STRIP2: variants seen among roughly 807,000 people sequenced by gnomAD.
The protein encoded by STRIP2 is striatin interacting protein 2, also known as striatin-interacting protein 2.
A neutral mutation model predicts 107.1 loss-of-function variants in STRIP2; 84 were observed. The ratio of observed to expected loss-of-function variants is 0.78; its 90% CI spans 0.66 to 0.94. The LOEUF (loss-of-function observed/expected upper bound fraction) is 0.94. Among genes scored for constraint, STRIP2 ranks in the 40% least tolerant of loss-of-function variants. The probability of loss-of-function intolerance (pLI) is 0.00; values close to 1 mark genes in which losing one functional copy is unlikely to be tolerated. For missense variants in STRIP2, 888 were observed against 1,034.2 expected (o/e 0.86, Z 1.94); for synonymous variants, 394 against 400.4 (o/e 0.98, Z 0.19).
At chr7:129,442,140 G>T (rs766714103) in intron 2 of STRIP2, among the ~76,000 whole-genome samples, 12 of 152,120 alleles carry the variant, frequency 7.9e-5, no homozygotes, top group Admixed American at 1.3e-4. Context: ...CAGGAGAATT[G>T]CCTGAACCTG....
chr7:129,466,524 T>C (rs1441938812), intron 16 of STRIP2, among the ~76,000 whole-genome samples: 1 of 152,172 alleles, frequency 6.6e-6, no homozygotes, highest in African/African-American at 2.4e-5. Flanking sequence ...ATTTCTATAC[T>C]AGAATACTAG....
chr7:129,485,548 A>G (rs755528879), intron 20 of STRIP2, 31 bp from the exon 21 acceptor site: 32 of 1,609,746 alleles, frequency 2.0e-5, no homozygotes, highest in Middle Eastern at 1.6e-4. Context: ...CTTGCATTGT[A>G]TGTCTTCTTC....
At chr7:129,460,953 G>A (rs1798516847) in intron 13 of STRIP2, among the ~76,000 whole-genome samples, 1 of 152,248 alleles carries the variant, frequency 6.6e-6, no homozygotes, top group Non-Finnish European at 1.5e-5. Flanking sequence ...GCAGCCTTTG[G>A]AGATTTGAAG....
At chr7:129,481,081 A>G (rs1220308672) in intron 19 of STRIP2, among the ~76,000 whole-genome samples, 192 bp downstream of exon 19, 3 of 152,208 alleles carry the variant, frequency 2.0e-5, no homozygotes, top group South Asian at 2.1e-4. Flanking sequence ...ATTTCTTTTC[A>G]GGGGGCTGAA....
At chr7:129,446,857 G>A (rs981164396) in intron 3 of STRIP2, among the ~76,000 whole-genome samples, 1 of 152,188 alleles carries the variant, frequency 6.6e-6, no homozygotes, top group African/African-American at 2.4e-5. Flanking sequence ...TTTATGGCTT[G>A]ATGGGTCAGA....
In STRIP2 at chr7:129,453,260, T is replaced by G. The variant is rs980911645; in HGVS notation, c.443T>G (p.Val148Gly). Reference protein sequence around the residue: ...TFGECDSEVDVLHWSRYNCFL... With the variant: ...TFGECDSEVDGLHWSRYNCFL... ...GGGGAATGTGATTCAGAGGTCGATG[T>G]GCTACACTGGTCCAGGTACAACTGC... The change falls in exon 5 of 21, where the codon GTG becomes GGG. Residue 148 changes from valine to glycine, a missense_variant. Physicochemically the swap from Val to Gly is moderately radical, Grantham distance 109. Coordinates refer to ENST00000249344, the MANE Select transcript of STRIP2 (RefSeq NM_020704.3). 1 of 1,614,044 alleles carries G rather than the reference T, an allele frequency of 6.2e-7. No homozygotes were observed. The highest frequency in any genetic ancestry group is 1.3e-5 in the African/African-American group (1 of 74,908).
Position 129,483,386 on chromosome 7 carries a change from T to C in STRIP2, c.2254+340T>C, listed in dbSNP as rs146639174. 1.8e-3 allele frequency: 1,654 copies of C among 925,370 alleles called. 18 individuals are homozygous for C. The African/African-American group carries it at 0.026, about 15-fold the overall frequency. 57.3% of individuals were successfully genotyped at this position (925,370 alleles called of 1,614,324 possible). On this transcript the variant is annotated intron_variant, in intron 20 of 20. Coordinates refer to ENST00000249344, the MANE Select transcript of STRIP2 (RefSeq NM_020704.3). This position sits in a 1 kb window ranked among gnomAD's most constrained non-coding sequence, Gnocchi z 5.1. ...ATTACAAAGCAGTTAGAAAAAAAGA[T>C]AGAAAATACAAGTAAACAAACATTT...
In STRIP2 at chr7:129,459,032, C is replaced by T. The variant is rs555818373; in HGVS notation, c.1340+255C>T. Among the ~76,000 whole-genome samples the T allele has an allele frequency of 1.2e-4, 19 of 152,272 alleles. No homozygotes were observed. The East Asian group carries it at 1.9e-3, about 15-fold the overall frequency. ...TTTGAGCAACAAGTCATTTCTCTTTCGGGCTTAATTTTTTCCTGAGGTTGT... is the reference window on the plus strand; with the variant it reads ...TTTGAGCAACAAGTCATTTCTCTTTTGGGCTTAATTTTTTCCTGAGGTTGT... On this transcript the variant is annotated intron_variant, in intron 11 of 20. Coordinates refer to ENST00000249344, the MANE Select transcript of STRIP2 (RefSeq NM_020704.3).
intron 3 of STRIP2, among the ~76,000 whole-genome samples, chr7:129,445,814 C>T (rs1473553946): frequency 6.6e-6 from 1 of 151,792 alleles, no homozygotes; most frequent in Non-Finnish European, 1.5e-5. Flanking sequence ...TTGTGGAATA[C>T]CATGACGGTG....
At chr7:129,460,494 C>A in intron 13 of STRIP2, 122 bp downstream of exon 13, 1 of 824,664 alleles carries the variant, frequency 1.2e-6, no homozygotes, top group Non-Finnish European at 2.0e-6. Flanking sequence ...CCAGGCAAGA[C>A]AAGGTCCCTA....
At chr7:129,435,772 T>TATCATC (rs371261391) in intron 1 of STRIP2, among the ~76,000 whole-genome samples, 10 of 152,030 alleles carry the variant, frequency 6.6e-5, no homozygotes, top group Non-Finnish European at 1.5e-4. Flanking sequence ...AGTATATTGC[T>TATCATC]ATCATCATCA....
At chr7:129,443,421 G>A (rs922059395) in intron 2 of STRIP2, among the ~76,000 whole-genome samples, 2 of 152,126 alleles carry the variant, frequency 1.3e-5, no homozygotes, top group African/African-American at 4.8e-5. Context: ...GATTTTCCTG[G>A]GCACAGCAGC....
At chr7:129,472,088 T>C (rs572820472) in intron 18 of STRIP2, among the ~76,000 whole-genome samples, 118 of 152,312 alleles carry the variant, frequency 7.7e-4, no homozygotes, top group African/African-American at 2.7e-3. Context: ...AGAAGTTAAA[T>C]AGCTACCAGT....
Position 129,463,038 on chromosome 7 carries a change from A to G in STRIP2, c.1549A>G (p.Met517Val). The G allele has an allele frequency of 6.2e-7, 1 of 1,612,476 alleles. No homozygotes were observed. Among genetic ancestry groups the G allele is most frequent in the South Asian group, 1.1e-5 (1 of 90,924 alleles). ...AATGCTGTACAGCCTTCCGCAGTATATGGTAAGGAGATGGCTAGGCCAGAG... is the reference window on the plus strand; with the variant it reads ...AATGCTGTACAGCCTTCCGCAGTATGTGGTAAGGAGATGGCTAGGCCAGAG... ...QGMLYSLPQYMIALLKILLAA... is the reference protein window; with the variant it reads ...QGMLYSLPQYVIALLKILLAA... The change falls in exon 14 of 21, where the codon ATG becomes GTG. Residue 517 changes from methionine to valine, a missense_variant and splice_region_variant. Transcript: ENST00000249344.
chr7:129,477,398 G>C (rs926510478), intron 18 of STRIP2, among the ~76,000 whole-genome samples: 2 of 152,066 alleles, frequency 1.3e-5, no homozygotes, highest in Non-Finnish European at 2.9e-5. Flanking sequence ...TTATACAAAG[G>C]AAGGACCATG....
intron 20 of STRIP2, 94 bp from the exon 21 acceptor site, chr7:129,485,485 A>G: frequency 7.6e-7 from 1 of 1,307,596 alleles, no homozygotes; most frequent in Non-Finnish European, 1.0e-6. Flanking sequence ...ATTTCTGAGC[A>G]GTTCCATTTT....
chr7:129,449,188 C>T (rs1798116896), intron 3 of STRIP2, among the ~76,000 whole-genome samples: 1 of 152,216 alleles, frequency 6.6e-6, no homozygotes, highest in African/African-American at 2.4e-5. Context: ...TGAGCCTGAT[C>T]CAACTCTGTG....
intron 1 of STRIP2, among the ~76,000 whole-genome samples, chr7:129,436,483 A>G (rs944734279): frequency 3.3e-5 from 5 of 152,224 alleles, no homozygotes; most frequent in Non-Finnish European, 7.3e-5. Flanking sequence ...GATTGTCTGC[A>G]GCTGCACTCT....
At chr7:129,443,730 G>A (rs1797961545) in intron 2 of STRIP2, among the ~76,000 whole-genome samples, 1 of 152,236 alleles carries the variant, frequency 6.6e-6, no homozygotes, top group South Asian at 2.1e-4. Context: ...AAACAGGAGT[G>A]ATGAGATTAA....
Sources: allele counts gnomAD v4.1 joint callset (sites outside exome capture counted in the v4.1 genomes callset), GRCh38; gene constraint gnomAD v4.1.1; non-coding constraint Gnocchi (gnomAD v3.1); transcripts MANE v1.5; gene names NCBI Gene and HGNC (gene_info 2026-07-23, HGNC 2026-07-21).